The following NPEPPS variants were observed in gnomAD, a reference collection of about 807,000 sequenced individuals.
The protein encoded by NPEPPS is aminopeptidase puromycin sensitive, also known as puromycin-sensitive aminopeptidase.
Under a neutral mutation model 115.5 loss-of-function variants are expected in NPEPPS, and 14 were observed. That is an observed-to-expected ratio of 0.12 (90% confidence interval 0.08 to 0.19). The LOEUF is 0.19. Ranked by LOEUF, NPEPPS falls within the 10% of genes least tolerant of loss-of-function variation. The pLI, the probability that NPEPPS is intolerant of heterozygous loss-of-function variation, is 1.00. For missense variants in NPEPPS, 523 were observed against 1,110.8 expected (o/e 0.47, Z 7.52); for synonymous variants, 285 against 390.6 (o/e 0.73, Z 3.19).
chr17:47,601,962 A>AAGG, intron 15 of NPEPPS: 3 of 504,574 alleles, frequency 5.9e-6, no homozygotes, highest in Non-Finnish European at 1.0e-5. Context: ...GCATAGGACT[A>AAGG]AGGAGGAGAA....
At position 47,601,596 on chromosome 17, in the gene NPEPPS, T is replaced by C. The variant is rs776886760; in HGVS notation, c.1601-12T>C. 6.2e-7 allele frequency: 1 copy of C among 1,613,206 alleles called. No homozygotes were observed. Among genetic ancestry groups the C allele is most frequent in the South Asian group, 1.1e-5 (1 of 90,984 alleles). On this transcript the variant is annotated splice_polypyrimidine_tract_variant and intron_variant, in intron 14 of 22. Coordinates refer to ENST00000322157, the MANE Select transcript of NPEPPS (RefSeq NM_006310.4). ...TCCCAGTGCAAAATTTGTTTGTTCTTCTCTGGCTTAGGTGAAGATTGTCCC... is the reference window on the plus strand; with the variant it reads ...TCCCAGTGCAAAATTTGTTTGTTCTCCTCTGGCTTAGGTGAAGATTGTCCC...
chr17:47,598,669 T>G (rs913172099), intron 13 of NPEPPS, among the ~76,000 whole-genome samples: 2 of 152,232 alleles, frequency 1.3e-5, no homozygotes, highest in African/African-American at 4.8e-5. Flanking sequence ...TAAGCCGTAA[T>G]TTTTTCTTAA....
chr17:47,575,700 G>T (rs997227851), intron 3 of NPEPPS, among the ~76,000 whole-genome samples: 5 of 151,526 alleles, frequency 3.3e-5, no homozygotes, highest in Non-Finnish European at 7.4e-5. Context: ...TGCCTCCTGG[G>T]TTCATGCCAT....
At chr17:47,558,857 A>G (rs1419502600) in intron 2 of NPEPPS, among the ~76,000 whole-genome samples, 1 of 149,116 alleles carries the variant, frequency 6.7e-6, no homozygotes, top group Non-Finnish European at 1.5e-5. Context: ...ACATGGTGAA[A>G]CCCTGTCTCT....
intron 2 of NPEPPS, among the ~76,000 whole-genome samples, chr17:47,555,416 T>C (rs1053294951): frequency 7.9e-5 from 12 of 151,424 alleles, no homozygotes; most frequent in Non-Finnish European, 1.6e-4. Context: ...GGCATGATTT[T>C]GGCTCGCCGT....
upstream of NPEPPS, among the ~76,000 whole-genome samples, chr17:47,526,965 A>C (rs1907461455): frequency 6.6e-6 from 1 of 152,118 alleles, no homozygotes; most frequent in Admixed American, 6.5e-5. Context: ...CTCAAAAACA[A>C]AACAAAACAA....
At chr17:47,536,485 C>G (rs929797196) in intron 1 of NPEPPS, among the ~76,000 whole-genome samples, 1 of 150,536 alleles carries the variant, frequency 6.6e-6, no homozygotes, top group South Asian at 2.1e-4. Flanking sequence ...CTCTGCCCCC[C>G]CAGGTTCAAG....
At chr17:47,555,617 G>A (rs913013909) in intron 2 of NPEPPS, among the ~76,000 whole-genome samples, 3 of 151,716 alleles carry the variant, frequency 2.0e-5, no homozygotes, top group African/African-American at 7.3e-5. Context: ...GCAGTGCTGG[G>A]ATTACAGGCA....
chr17:47,616,208 TG>T (rs1914188826), intron 19 of NPEPPS, among the ~76,000 whole-genome samples: 1 of 152,114 alleles, frequency 6.6e-6, no homozygotes, highest in South Asian at 2.1e-4. Context: ...GAGGCAAAAC[TG>T]GGACTAGAAC....
chr17:47,523,294 T>G (rs2143626244), intron 1 of NPEPPS, among the ~76,000 whole-genome samples: 1 of 145,172 alleles, frequency 6.9e-6, no homozygotes, highest in African/African-American at 2.6e-5. Flanking sequence ...CTAATCCAAT[T>G]CCTTTACATT....
intron 5 of NPEPPS, among the ~76,000 whole-genome samples, chr17:47,583,881 C>G (rs1248569145): frequency 1.3e-5 from 2 of 151,334 alleles, no homozygotes; most frequent in African/African-American, 2.4e-5. Context: ...GTGATTGTGC[C>G]ACTGTATTCC....
intron 14 of NPEPPS, 104 bp from the exon 15 acceptor site, chr17:47,601,504 T>C (rs1234780962): frequency 2.5e-6 from 3 of 1,224,402 alleles, no homozygotes; most frequent in Non-Finnish European, 3.5e-6. Flanking sequence ...AACTATTGAC[T>C]TAACAGTTTG....
chr17:47,534,632 C>T (rs1233240989), intron 1 of NPEPPS, among the ~76,000 whole-genome samples: 1 of 151,878 alleles, frequency 6.6e-6, no homozygotes, highest in Non-Finnish European at 1.5e-5. Flanking sequence ...GATCTCGACT[C>T]ACTGCAGCCT....
chr17:47,527,836 CT>C (rs1424504098), upstream of NPEPPS, among the ~76,000 whole-genome samples: 1 of 151,742 alleles, frequency 6.6e-6, no homozygotes, highest in Non-Finnish European at 1.5e-5. Context: ...ATAATCCCAG[CT>C]ACTTAGGAGG....
At chr17:47,615,073 CTTT>C (rs60829784) in intron 19 of NPEPPS, among the ~76,000 whole-genome samples, 1 of 122,492 alleles carries the variant, frequency 8.2e-6, no homozygotes, top group African/African-American at 3.4e-5. Flanking sequence ...TACTTTCTTT[CTTT>C]TTTTTTTTTT....
chr17:47,571,126 G>C (rs1911166112), intron 3 of NPEPPS, among the ~76,000 whole-genome samples: 1 of 152,170 alleles, frequency 6.6e-6, no homozygotes, highest in Non-Finnish European at 1.5e-5. Context: ...AGTGAGGTTT[G>C]TGAATTCTTC....
intron 2 of NPEPPS, among the ~76,000 whole-genome samples, chr17:47,547,393 C>G (rs1909292288): frequency 6.6e-6 from 1 of 151,528 alleles, no homozygotes; most frequent in Admixed American, 6.6e-5. Flanking sequence ...GTCACCCAGG[C>G]TGGGGGGCAG....
chr17:47,606,742 C>CTAGCTTCTATGTCTTTTCTT (rs1913540879), intron 17 of NPEPPS, among the ~76,000 whole-genome samples: 2 of 696 alleles, frequency 2.9e-3, no homozygotes, highest in Non-Finnish European at 0.012. Context: ...ACAGCTGGTC[C>CTAGCTTCTATGTCTTTTCTT]CAAACAAATA....
At chr17:47,589,068 A>G (rs1158202841) in intron 9 of NPEPPS, among the ~76,000 whole-genome samples, 1 of 152,182 alleles carries the variant, frequency 6.6e-6, no homozygotes, top group African/African-American at 2.4e-5. Context: ...GGTGTGTGGC[A>G]CCATGCCCAG....
Sources: gnomAD v4.1 joint callset for allele counts (sites outside exome capture counted in the v4.1 genomes callset) on GRCh38, gnomAD v4.1.1 for gene constraint, MANE v1.5 for transcripts, NCBI Gene and HGNC (gene_info 2026-07-23, HGNC 2026-07-21) for gene names.